COBL: variants seen among roughly 807,000 people sequenced by gnomAD.
The protein encoded by COBL is protein cordon-bleu.
In COBL, 51 loss-of-function variants were observed where a neutral mutation model predicts 98.8. The observed-to-expected ratio is 0.52, with a 90% CI of 0.41 to 0.65. The LOEUF is 0.65. COBL is among the 30% of genes least tolerant of loss of function. The pLI, the probability that COBL is intolerant of heterozygous loss-of-function variation, is 0.00. For synonymous variants in COBL, 634 were observed against 651.7 expected (o/e 0.97, Z 0.41); for missense variants, 1,617 against 1,617.5 (o/e 1.00, Z 0.01).
intron 1 of COBL, among the ~76,000 whole-genome samples, chr7:51,226,967 T>C (rs887057): frequency 0.35 from 53,602 of 152,074 alleles, 11,896 homozygotes; most frequent in Non-Finnish European, 0.49. Flanking sequence ...ACTGGAATTC[T>C]AGCCCAGGTC....
At chr7:51,196,728 T>A (rs1234851170) in intron 2 of COBL, among the ~76,000 whole-genome samples, 2 of 152,084 alleles carry the variant, frequency 1.3e-5, no homozygotes, top group Non-Finnish European at 2.9e-5. Context: ...GTTCAGAGAT[T>A]CAATTTCTTC....
chr7:51,203,222 G>GCTGCATTAAAAAAAGA (rs1554427698), intron 2 of COBL, among the ~76,000 whole-genome samples: 3 of 145,514 alleles, frequency 2.1e-5, no homozygotes, highest in Admixed American at 1.3e-4. Context: ...AAAACTCTTG[G>GCTGCATTAAAAAAAGA]GAGGCCGAGG....
chr7:51,177,579 G>T (rs1353494674), intron 5 of COBL, among the ~76,000 whole-genome samples: 2 of 151,870 alleles, frequency 1.3e-5, no homozygotes, highest in African/African-American at 4.8e-5. Flanking sequence ...TTCGAGACCA[G>T]CCTGGCTGAC....
intron 8 of COBL, 46 bp downstream of exon 8, chr7:51,043,337 G>A: frequency 3.8e-6 from 6 of 1,564,696 alleles, no homozygotes; most frequent in Non-Finnish European, 5.3e-6. Flanking sequence ...TAGAGACACA[G>A]ATGTGGCTGT....
chr7:51,087,101 GACACACACATACACACAAAC>G (rs1794340242), intron 6 of COBL, among the ~76,000 whole-genome samples: 1 of 134,168 alleles, frequency 7.5e-6, no homozygotes, highest in Non-Finnish European at 1.6e-5. Context: ...GGTTCTTTAA[GACACACACATACACACAAAC>G]ACACACACAC....
chr7:51,305,204 G>T (rs1802346261), intron 1 of COBL, among the ~76,000 whole-genome samples: 1 of 152,124 alleles, frequency 6.6e-6, no homozygotes, highest in Non-Finnish European at 1.5e-5. Flanking sequence ...ACCGCCCTAA[G>T]TAAAAAATGT....
At chr7:51,170,198 T>C (rs1013618627) in intron 5 of COBL, among the ~76,000 whole-genome samples, 2 of 152,082 alleles carry the variant, frequency 1.3e-5, no homozygotes, top group East Asian at 3.9e-4. Flanking sequence ...TACACTTTTC[T>C]TTTTTCCTTA....
chr7:51,123,131 A>G (rs1337772781), intron 6 of COBL, among the ~76,000 whole-genome samples: 4 of 152,240 alleles, frequency 2.6e-5, no homozygotes, highest in Non-Finnish European at 4.4e-5. Flanking sequence ...ATGAGCAGAC[A>G]GACAGATTTT....
chr7:51,086,343 C>G (rs1794236016), intron 6 of COBL, among the ~76,000 whole-genome samples: 1 of 105,852 alleles, frequency 9.4e-6, no homozygotes, highest in Non-Finnish European at 1.7e-5. Context: ...GGTGATGTAG[C>G]AAGACTGTGT....
chr7:51,178,760 C>A (rs530286877), intron 5 of COBL, among the ~76,000 whole-genome samples: 1 of 152,216 alleles, frequency 6.6e-6, no homozygotes, highest in Admixed American at 6.5e-5. Context: ...AGGTGCCTGC[C>A]ACCATGCCCG....
chr7:51,279,622 T>G (rs1383840575), intron 1 of COBL, among the ~76,000 whole-genome samples: 1 of 152,212 alleles, frequency 6.6e-6, no homozygotes, highest in African/African-American at 2.4e-5. Flanking sequence ...TGAACCTCTG[T>G]GGACACATTA....
chr7:51,227,798 T>C (rs1462276413), intron 1 of COBL, among the ~76,000 whole-genome samples: 2 of 152,108 alleles, frequency 1.3e-5, no homozygotes, highest in Non-Finnish European at 2.9e-5. Flanking sequence ...GAATTCCTTC[T>C]AATAGAGGAG....
chr7:51,309,136 C>A, intron 1 of COBL, among the ~76,000 whole-genome samples: 1 of 152,172 alleles, frequency 6.6e-6, no homozygotes, highest in East Asian at 1.9e-4. Flanking sequence ...AATGCAATCA[C>A]AACGGCTAAG....
intron 1 of COBL, among the ~76,000 whole-genome samples, chr7:51,264,564 G>A (rs976313412): frequency 2.6e-4 from 40 of 151,076 alleles, no homozygotes; most frequent in African/African-American, 9.5e-4. Flanking sequence ...CCAGCTACTC[G>A]GGAGGCTGAG....
intron 1 of COBL, among the ~76,000 whole-genome samples, chr7:51,261,902 C>G (rs1305017556): frequency 6.6e-6 from 1 of 152,092 alleles, no homozygotes; most frequent in Non-Finnish European, 1.5e-5. Flanking sequence ...GAGCCAAGAT[C>G]ACGCCATTGC....
intron 6 of COBL, among the ~76,000 whole-genome samples, chr7:51,115,103 CCTCATCTTAATGT>C (rs1269302429): frequency 2.6e-5 from 4 of 152,128 alleles, no homozygotes; most frequent in Admixed American, 2.6e-4. Context: ...GTTCACATTT[CCTCATCTTAATGT>C]CTATAGAATC....
At chr7:51,070,797 G>T (rs559297962) in intron 7 of COBL, 2 of 152,324 alleles carry the variant, frequency 1.3e-5, no homozygotes, top group South Asian at 4.1e-4. Flanking sequence ...TAAAATGTCA[G>T]TGAGTAAACA....
At chr7:51,253,973 TC>T (rs1796973378) in intron 1 of COBL, among the ~76,000 whole-genome samples, 1 of 152,170 alleles carries the variant, frequency 6.6e-6, no homozygotes, top group Non-Finnish European at 1.5e-5. Flanking sequence ...TAGTTCAAAA[TC>T]AAAATTATAT....
intron 2 of COBL, among the ~76,000 whole-genome samples, chr7:51,213,414 C>A (rs1792669713): frequency 6.6e-6 from 1 of 152,192 alleles, no homozygotes; most frequent in South Asian, 2.1e-4. Context: ...CCTAGTGATA[C>A]ACATAATGCG....
Sources: allele counts gnomAD v4.1 joint callset (sites outside exome capture counted in the v4.1 genomes callset), GRCh38; gene constraint gnomAD v4.1.1; transcripts MANE v1.5; gene names NCBI Gene and HGNC (gene_info 2026-07-23, HGNC 2026-07-21).